Variants in LPP observed in about 807,000 individuals in gnomAD.
LPP encodes LIM domain containing preferred translocation partner in lipoma, also known as lipoma-preferred partner.
LPP carries 38 observed loss-of-function variants against 60.4 expected under a neutral mutation model. The ratio of observed to expected loss-of-function variants is 0.63; its 90% CI spans 0.49 to 0.83. The LOEUF (loss-of-function observed/expected upper bound fraction) is 0.83, where lower values mean the gene tolerates loss of function less well. LPP is among the 40% of genes least tolerant of loss of function. The pLI, the probability that LPP is intolerant of heterozygous loss-of-function variation, is 0.00. For missense variants in LPP, 902 were observed against 783.6 expected, an observed-to-expected ratio of 1.15 and a Z score of -1.80; for synonymous variants, 328 against 290.8, an observed-to-expected ratio of 1.13 and a Z score of -1.30.
rs1424289750 is a variant in LPP at position 188,218,100 on chromosome 3, A to G, written c.-189-7305A>G. On this transcript the variant is annotated intron_variant, in intron 1 of 11. Transcript: ENST00000617246. ...CCCTGGTAAGGAATCTTCAATCTCC[A>G]TGTGAGATGGGTCTGGAAGGCTCAG... 1.2e-4 allele frequency among the ~76,000 whole-genome samples: 19 copies of G among 152,150 alleles called. 1 individual carries two copies. Among genetic ancestry groups the G allele is most frequent in the Admixed American group, 7.9e-4 (12 of 15,274 alleles).
chr3:188,602,404 A>C (rs925371152), intron 6 of LPP, among the ~76,000 whole-genome samples: 3 of 151,630 alleles, frequency 2.0e-5, no homozygotes, highest in African/African-American at 4.8e-5. Flanking sequence ...GAGCCAAAAG[A>C]AGCAGCAAAT....
At chr3:188,852,828 A>G (rs1346937810) in intron 9 of LPP, among the ~76,000 whole-genome samples, 5 of 152,120 alleles carry the variant, frequency 3.3e-5, no homozygotes. Flanking sequence ...TTCAAGAGAA[A>G]ACTATATCAC....
intron 2 of LPP, among the ~76,000 whole-genome samples, chr3:188,233,465 G>A (rs1261487999): frequency 6.6e-6 from 1 of 152,126 alleles, no homozygotes; most frequent in Non-Finnish European, 1.5e-5. Flanking sequence ...GTGGTTCAAT[G>A]CCAACTGGTT....
intron 5 of LPP, among the ~76,000 whole-genome samples, chr3:188,487,628 G>A (rs995027002): frequency 6.6e-6 from 1 of 152,144 alleles, no homozygotes; most frequent in Non-Finnish European, 1.5e-5. Context: ...AAAAGAAAAC[G>A]AACATGCCCT....
At chr3:188,667,337 G>C (rs1029554765) in intron 7 of LPP, among the ~76,000 whole-genome samples, 1 of 151,934 alleles carries the variant, frequency 6.6e-6, no homozygotes, top group African/African-American at 2.4e-5. Context: ...AATTAGCCGG[G>C]CGTGGTGGTG....
chr3:188,636,426 T>G (rs1226509360), intron 7 of LPP, among the ~76,000 whole-genome samples: 2 of 152,212 alleles, frequency 1.3e-5, no homozygotes, highest in African/African-American at 4.8e-5. Flanking sequence ...GTCTCGCTGA[T>G]TCCTAGCACA....
At chr3:188,869,314 G>C (rs1424192569) in intron 10 of LPP, among the ~76,000 whole-genome samples, 1 of 151,980 alleles carries the variant, frequency 6.6e-6, no homozygotes, top group Non-Finnish European at 1.5e-5. Context: ...TTTTGAGATG[G>C]AGTCTCACTC....
At chr3:188,288,147 T>C (rs1486109145) in intron 2 of LPP, among the ~76,000 whole-genome samples, 3 of 152,242 alleles carry the variant, frequency 2.0e-5, no homozygotes, top group Non-Finnish European at 2.9e-5. Context: ...TTTGGCTTTT[T>C]TGTTTTGGAA....
In LPP at chr3:188,684,085, G is replaced by A. The variant is rs13073966; in HGVS notation, c.1114-24182G>A. Among the ~76,000 whole-genome samples the A allele has an allele frequency of 1.1e-3, 174 of 152,178 alleles. 2 individuals carry two copies. The highest frequency in any genetic ancestry group is 7.3e-4 in the Non-Finnish European group (50 of 68,034). ...TGCAGTCAAACTGCAAGACACATACGCATTGGCTGATCAGAAATGACATAA... is the reference window on the plus strand; with the variant it reads ...TGCAGTCAAACTGCAAGACACATACACATTGGCTGATCAGAAATGACATAA... On this transcript the variant is annotated intron_variant, in intron 7 of 11. Transcript: ENST00000617246.
Position 188,877,099 on chromosome 3 carries a change from G to A in LPP, c.*2620G>A, listed in dbSNP as rs923934194. The A allele has an allele frequency of 3.5e-5, 6 of 172,732 alleles. No individual in the cohort carries two copies. Among genetic ancestry groups the A allele is most frequent in the Admixed American group, 1.3e-4 (2 of 15,664 alleles). 10.7% of individuals were successfully genotyped at this position (172,732 alleles called of 1,614,324 possible). A position where few individuals can be genotyped will look rare whatever the true frequency, so the allele number is the denominator to read the frequency against. ...TCTTTCACAAGGTATAATAAGGAAA[G>A]GATCCTACAATATTTTATTCTAGGG... On this transcript the variant is annotated 3_prime_UTR_variant, in exon 12 of 12. Transcript: ENST00000617246.
At chr3:188,440,581 G>A (rs1793535617) in intron 4 of LPP, among the ~76,000 whole-genome samples, 2 of 152,114 alleles carry the variant, frequency 1.3e-5, no homozygotes, top group East Asian at 1.9e-4. Context: ...CATGCTTGCT[G>A]ACAAAACATT....
intron 3 of LPP, among the ~76,000 whole-genome samples, chr3:188,367,784 C>T (rs987255300): frequency 4.6e-5 from 7 of 152,142 alleles, no homozygotes; most frequent in Non-Finnish European, 5.9e-5. Flanking sequence ...TCTGAGAAGT[C>T]GAACAGGCAA....
chr3:188,548,722 G>T (rs1448782694), intron 6 of LPP, among the ~76,000 whole-genome samples: 2 of 152,212 alleles, frequency 1.3e-5, no homozygotes, highest in Admixed American at 6.5e-5. Flanking sequence ...TCTTCCAGAA[G>T]AATCAGGATG....
chr3:188,387,259 G>A (rs1008402124), intron 3 of LPP, among the ~76,000 whole-genome samples: 2 of 151,912 alleles, frequency 1.3e-5, no homozygotes, highest in African/African-American at 4.8e-5. Context: ...CTATTACCCA[G>A]ATACAGGTGC....
intron 9 of LPP, among the ~76,000 whole-genome samples, chr3:188,778,295 T>A (rs780679770): frequency 2.6e-5 from 4 of 152,204 alleles, no homozygotes; most frequent in Admixed American, 6.5e-5. Context: ...CTGTATTGCT[T>A]TATTTTGGTC....
chr3:188,718,818 T>C (rs1037954397), intron 8 of LPP, among the ~76,000 whole-genome samples: 36 of 152,338 alleles, frequency 2.4e-4, no homozygotes, highest in African/African-American at 8.2e-4. Context: ...ATTTAAGATA[T>C]ATTTATTTAG....
intron 2 of LPP, among the ~76,000 whole-genome samples, chr3:188,241,013 T>C (rs1724454002): frequency 6.6e-6 from 1 of 152,210 alleles, no homozygotes; most frequent in African/African-American, 2.4e-5. Context: ...GTATGCATAG[T>C]CTAAAGTGAT....
chr3:188,565,310 A>G (rs1233458207), intron 6 of LPP, among the ~76,000 whole-genome samples: 2 of 152,038 alleles, frequency 1.3e-5, no homozygotes, highest in Non-Finnish European at 2.9e-5. Context: ...AAATTTATAA[A>G]GTCAAGGCAA....
At chr3:188,158,681 GT>G (rs1388583357) in intron 1 of LPP, among the ~76,000 whole-genome samples, 1 of 152,150 alleles carries the variant, frequency 6.6e-6, no homozygotes, top group Non-Finnish European at 1.5e-5. Flanking sequence ...ATTAAAGTAG[GT>G]TTTTTGATTA....
Sources: gnomAD v4.1 joint callset for allele counts (sites outside exome capture counted in the v4.1 genomes callset) on GRCh38, gnomAD v4.1.1 for gene constraint, MANE v1.5 for transcripts, NCBI Gene and HGNC (gene_info 2026-07-23, HGNC 2026-07-21) for gene names.